Variants in TM9SF2 observed in about 807,000 individuals in gnomAD.
The protein encoded by TM9SF2 is transmembrane 9 superfamily member 2, also known as 76 kDa membrane protein.
A neutral mutation model predicts 84.9 loss-of-function variants in TM9SF2; 13 were observed. The observed-to-expected ratio is 0.15, with a 90% CI of 0.10 to 0.24. TM9SF2 has a LOEUF of 0.24. Ranked by LOEUF, TM9SF2 falls within the 10% of genes least tolerant of loss-of-function variation. The pLI, the probability that TM9SF2 is intolerant of heterozygous loss-of-function variation, is 1.00. For missense variants in TM9SF2, 562 were observed against 818.5 expected, an observed-to-expected ratio of 0.69 and a Z score of 3.82; for synonymous variants, 273 against 285.8, an observed-to-expected ratio of 0.96 and a Z score of 0.45.
In TM9SF2 at chr13:99,546,863, C is replaced by T. The variant is rs2046284742; in HGVS notation, c.1151-122C>T. ...TGTGTAGAGCTGCATGGTAGGAGAG[C>T]ACATGGTTTTGCGTGAAGTTGTATT... On this transcript the variant is annotated intron_variant, in intron 10 of 16. Coordinates refer to ENST00000376387, the MANE Select transcript of TM9SF2 (RefSeq NM_004800.3). The T allele has an allele frequency of 3.0e-5, 40 of 1,323,976 alleles. No individual in the cohort carries two copies. The South Asian group carries it at 5.6e-4, about 19-fold the overall frequency. The allele number at this position is 1,323,976 out of a possible 1,614,324, so 82.0% of individuals were successfully genotyped here.
At chr13:99,501,809 C>G (rs573144452) in intron 1 of TM9SF2, 32 bp downstream of exon 1, 3 of 1,588,418 alleles carry the variant, frequency 1.9e-6, no homozygotes, top group African/African-American at 1.4e-5. Context: ...CTCTGATGCA[C>G]TGTTGGAAGG....
At chr13:99,521,243 C>G (rs1477217236) in intron 3 of TM9SF2, among the ~76,000 whole-genome samples, 2 of 152,156 alleles carry the variant, frequency 1.3e-5, no homozygotes, top group Non-Finnish European at 2.9e-5. Flanking sequence ...TTTCATACAC[C>G]TATAAGCTTA....
Position 99,552,232 on chromosome 13 carries a change from T to C in TM9SF2, c.1394T>C (p.Ile465Thr), listed in dbSNP as rs376530432. 4 of 1,614,066 alleles carry C rather than the reference T, an allele frequency of 2.5e-6. No individual in the cohort carries two copies. Among genetic ancestry groups the C allele is most frequent in the Non-Finnish European group, 3.4e-6 (4 of 1,180,012 alleles). ...TGGGGAGAAGGATCTTCAGCAGCTA[T>C]TCCTTTTGGGACACTGGTTGCCATA... ...ILWGEGSSAAIPFGTLVAILA... is the reference protein window; with the variant it reads ...ILWGEGSSAATPFGTLVAILA... The change falls in exon 13 of 17, where the codon ATT becomes ACT. Residue 465 changes from isoleucine (I) to threonine (T), a missense_variant. Physicochemically the swap from Ile to Thr is moderately conservative, Grantham distance 89. Coordinates refer to ENST00000376387, the MANE Select transcript of TM9SF2 (RefSeq NM_004800.3).
In TM9SF2 at chr13:99,536,632, G is replaced by T; in HGVS notation, c.486G>T (p.Thr162=). 2 of 1,613,584 alleles carry T rather than the reference G, an allele frequency of 1.2e-6. No homozygotes were observed. The highest frequency in any genetic ancestry group is 1.7e-6 in the Non-Finnish European group (2 of 1,179,640). ...GGATTGTGGATAATATGCCTGTAAC[G>T]TGGTGTTACGATGTTGAAGATGGTC... ...HHWIVDNMPV[T]WCYDVEDGQR... The change falls in exon 5 of 17, where the codon ACG becomes ACT. Residue 162 remains threonine, a synonymous_variant. Coordinates refer to ENST00000376387, the MANE Select transcript of TM9SF2 (RefSeq NM_004800.3).
intron 3 of TM9SF2, among the ~76,000 whole-genome samples, chr13:99,521,355 T>C (rs547310844): frequency 6.6e-6 from 1 of 152,332 alleles, no homozygotes; most frequent in Non-Finnish European, 1.5e-5. Flanking sequence ...CACATGAGAA[T>C]GTGTGTTCTG....
intron 14 of TM9SF2, among the ~76,000 whole-genome samples, chr13:99,554,714 G>A (rs530847397): frequency 6.6e-6 from 1 of 152,256 alleles, no homozygotes; most frequent in East Asian, 1.9e-4. Context: ...TCTCTGTGAG[G>A]TGAGTGTTAT....
intron 3 of TM9SF2, among the ~76,000 whole-genome samples, chr13:99,520,974 TTCA>T (rs1338969691): frequency 1.3e-5 from 2 of 152,194 alleles, no homozygotes; most frequent in Non-Finnish European, 2.9e-5. Context: ...ACATATGTAC[TTCA>T]TCATCTCTCA....
intron 12 of TM9SF2, among the ~76,000 whole-genome samples, chr13:99,550,590 T>C (rs79998592): frequency 0.098 from 14,879 of 152,204 alleles, 878 homozygotes; most frequent in East Asian, 0.22. Flanking sequence ...AGCAGGTAAA[T>C]AGAGCGTGCT....
chr13:99,533,233 C>T (rs2046218574), intron 4 of TM9SF2, among the ~76,000 whole-genome samples: 2 of 152,104 alleles, frequency 1.3e-5, no homozygotes, highest in South Asian at 4.1e-4. Context: ...GCAATACATG[C>T]CGATGAGAAA....
intron 4 of TM9SF2, among the ~76,000 whole-genome samples, chr13:99,530,645 GA>G (rs1163889587): frequency 6.6e-6 from 1 of 152,116 alleles, no homozygotes; most frequent in East Asian, 1.9e-4. Flanking sequence ...TGTGGGCTAT[GA>G]AAAAAATCAC....
chr13:99,554,534 T>C (rs2046318476), intron 14 of TM9SF2, 79 bp downstream of exon 14: 4 of 1,423,200 alleles, frequency 2.8e-6, no homozygotes, highest in Non-Finnish European at 3.8e-6. Context: ...TATGGGTTAC[T>C]ATTTGTATCC....
chr13:99,543,453 A>G (rs1313655081), intron 9 of TM9SF2, among the ~76,000 whole-genome samples: 1 of 152,236 alleles, frequency 6.6e-6, no homozygotes, highest in Admixed American at 6.5e-5. Flanking sequence ...TTACTGTATT[A>G]GCAAAGTAGC....
chr13:99,532,508 G>C (rs1260965684), intron 4 of TM9SF2, among the ~76,000 whole-genome samples: 1 of 151,950 alleles, frequency 6.6e-6, no homozygotes, highest in Non-Finnish European at 1.5e-5. Context: ...TGGCCAACAT[G>C]GCGAAACCCC....
chr13:99,507,396 C>T (rs2046093328), intron 1 of TM9SF2, among the ~76,000 whole-genome samples: 1 of 152,204 alleles, frequency 6.6e-6, no homozygotes, highest in Non-Finnish European at 1.5e-5. Context: ...AACAGTCTTG[C>T]TCTGTCACCC....
At chr13:99,517,531 C>A (rs1057426307) in intron 1 of TM9SF2, 83 bp from the exon 2 acceptor site, 2 of 866,334 alleles carry the variant, frequency 2.3e-6, no homozygotes, top group Non-Finnish European at 3.5e-6. Flanking sequence ...TCAGACATGT[C>A]AAATTCTTTT....
chr13:99,555,657 A>C lies in TM9SF2; in HGVS notation c.1752+10A>C. On this transcript the variant is annotated intron_variant, in intron 15 of 16. Transcript: ENST00000376387. ...CCACCTATGTGCAGAGGTATGTATT[A>C]GCAGTATTCACTTATGTTAATTTGT... 1 of 1,574,156 alleles carries C rather than the reference A, an allele frequency of 6.4e-7. No homozygotes were observed. Among genetic ancestry groups the C allele is most frequent in the Non-Finnish European group, 8.7e-7 (1 of 1,147,340 alleles).
chr13:99,541,445 C>T (rs1293332876), intron 8 of TM9SF2, 114 bp from the exon 9 acceptor site: 1 of 682,770 alleles, frequency 1.5e-6, no homozygotes, highest in Non-Finnish European at 2.4e-6. Flanking sequence ...AGATAGCTTT[C>T]ATTTTGATTT....
chr13:99,509,972 G>A (rs1460897551), intron 1 of TM9SF2, among the ~76,000 whole-genome samples: 2 of 152,268 alleles, frequency 1.3e-5, no homozygotes. Context: ...AGCTAAGATA[G>A]GCTGTTAGAA....
chr13:99,529,522 C>A lies in TM9SF2; in HGVS notation c.389C>A (p.Thr130Lys), dbSNP rs751802102. The stretch of plus-strand genomic sequence containing the variant: ...CTTGTTTGTACAAAAACATACCATA[C>A]AGAGAAAGCTGAAGACAAACAAAAG... ...CKLVCTKTYHTEKAEDKQKLE... is the reference protein window; with the variant it reads ...CKLVCTKTYHKEKAEDKQKLE... The change falls in exon 4 of 17, where the codon ACA becomes AAA. Residue 130 changes from threonine to lysine, a missense_variant. This residue lies in a region of TM9SF2 where 267 missense variants were observed against 316.7 expected (regional missense o/e 0.84). Transcript: ENST00000376387. The A allele has an allele frequency of 1.7e-5, 27 of 1,593,328 alleles. No homozygotes were observed. Among genetic ancestry groups the A allele is most frequent in the Non-Finnish European group, 2.3e-5 (27 of 1,172,854 alleles).
Sources: allele counts gnomAD v4.1 joint callset (sites outside exome capture counted in the v4.1 genomes callset), GRCh38; gene constraint gnomAD v4.1.1; regional missense constraint gnomAD v4.1.1; transcripts MANE v1.5; gene names NCBI Gene and HGNC (gene_info 2026-07-23, HGNC 2026-07-21).